SBF2: variants seen among roughly 807,000 people sequenced by gnomAD.
The protein encoded by SBF2 is SET binding factor 2.
Under a neutral mutation model 225.2 loss-of-function variants are expected in SBF2, and 112 were observed. The ratio of observed to expected loss-of-function variants is 0.50; its 90% confidence interval spans 0.43 to 0.58. The LOEUF is 0.58. Ranked by LOEUF, SBF2 falls within the 20% of genes least tolerant of loss-of-function variation. The probability of loss-of-function intolerance (pLI) is 0.00; values close to 1 mark genes in which losing one functional copy is unlikely to be tolerated. For missense variants in SBF2, 1,996 were observed against 2,206.2 expected, an observed-to-expected ratio of 0.90 and a Z score of 1.91; for synonymous variants, 763 against 773.3, an observed-to-expected ratio of 0.99 and a Z score of 0.22.
chr11:10,094,528 A>AT lies in SBF2; in HGVS notation c.142-51548dup, dbSNP rs60485793. On this transcript the variant is annotated intron_variant, in intron 2 of 39. Coordinates refer to ENST00000256190, the MANE Select transcript of SBF2 (RefSeq NM_030962.4). ...TTTTCCCTACTACAAATACACACAGATTTTTTTTTTTTTTTTTTGAGACAG... is the reference window on the plus strand; with the variant it reads ...TTTTCCCTACTACAAATACACACAGATTTTTTTTTTTTTTTTTTTGAGACAG... 8.8e-3 allele frequency among the ~76,000 whole-genome samples: 940 copies of AT among 107,296 alleles called. 33 individuals carry two copies. Among genetic ancestry groups the AT allele is most frequent in the African/African-American group, 0.023 (705 of 30,320 alleles). The allele number at this position is 107,296 out of a possible 152,430, so 70.4% of individuals were successfully genotyped here.
chr11:9,912,335 C>A (rs1036299108), intron 16 of SBF2, among the ~76,000 whole-genome samples: 1 of 149,492 alleles, frequency 6.7e-6, no homozygotes, highest in Non-Finnish European at 1.5e-5. Context: ...GCCTGTAATT[C>A]CAGCACTTTG....
intron 28 of SBF2, among the ~76,000 whole-genome samples, chr11:9,824,343 G>A (rs1419224115): frequency 6.6e-6 from 1 of 152,098 alleles, no homozygotes; most frequent in African/African-American, 2.4e-5. Flanking sequence ...TGAATCACGA[G>A]GTCAGGAGAT....
At chr11:9,957,391 G>C (rs988957921) in intron 16 of SBF2, 1 of 152,092 alleles carries the variant, frequency 6.6e-6, no homozygotes, top group Non-Finnish European at 1.5e-5. Context: ...TTGGTATCCC[G>C]TGACCTGTAT....
chr11:10,202,769 C>G (rs1957614367), intron 1 of SBF2, among the ~76,000 whole-genome samples: 1 of 152,202 alleles, frequency 6.6e-6, no homozygotes, highest in Admixed American at 6.5e-5. Flanking sequence ...GCCTGGGTGA[C>G]AGAGCGAGAC....
chr11:9,967,408 G>T (rs1431105735), intron 14 of SBF2, among the ~76,000 whole-genome samples: 2 of 151,392 alleles, frequency 1.3e-5, no homozygotes, highest in African/African-American at 4.8e-5. Flanking sequence ...GCTGATACAT[G>T]CTACAACATA....
chr11:10,100,628 A>G (rs1952252136), intron 2 of SBF2, among the ~76,000 whole-genome samples: 1 of 152,116 alleles, frequency 6.6e-6, no homozygotes, highest in African/African-American at 2.4e-5. Flanking sequence ...CTGTAGCCCC[A>G]CTATGAGGTA....
rs893334446 is a variant in SBF2 at position 10,006,978 on chromosome 11, C to T, written c.620-4289G>A. On this transcript the variant is annotated intron_variant, in intron 6 of 39. Transcript: ENST00000256190. ...GCAAGAATATAGGATGGCCCAAGGC[C>T]GTCGGCACAAGAGACCCATACGACA... is the stretch of plus-strand genomic sequence containing the variant. 7.9e-5 allele frequency among the ~76,000 whole-genome samples: 12 copies of T among 152,264 alleles called. No individual in the cohort carries two copies. The South Asian group carries it at 1.2e-3, about 16-fold the overall frequency.
At chr11:9,942,902 A>T (rs1427981733) in intron 16 of SBF2, among the ~76,000 whole-genome samples, 1 of 12,614 alleles carries the variant, frequency 7.9e-5, no homozygotes, top group Non-Finnish European at 2.4e-4. Flanking sequence ...AGAGAGAGAG[A>T]GAAAGAAAGA....
intron 16 of SBF2, among the ~76,000 whole-genome samples, chr11:9,920,190 G>GTT (rs1590450460): frequency 1.4e-5 from 2 of 143,296 alleles, no homozygotes; most frequent in East Asian, 3.9e-4. Context: ...ATATGTGTGT[G>GTT]TGTGTGTGTG....
chr11:9,973,539 T>A (rs569925095), intron 13 of SBF2, among the ~76,000 whole-genome samples: 1 of 152,316 alleles, frequency 6.6e-6, no homozygotes, highest in East Asian at 1.9e-4. Flanking sequence ...TGGATAATGA[T>A]TTTCAAGGAA....
chr11:10,129,138 C>T (rs1463534722), intron 2 of SBF2, among the ~76,000 whole-genome samples: 3 of 128,704 alleles, frequency 2.3e-5, no homozygotes, highest in African/African-American at 8.7e-5. Context: ...GACACAGTCT[C>T]GCTCCATCAG....
chr11:9,979,523 T>C (rs1047407131), intron 13 of SBF2, among the ~76,000 whole-genome samples: 8 of 152,208 alleles, frequency 5.3e-5, no homozygotes, highest in African/African-American at 1.9e-4. Flanking sequence ...CCAGATTTCT[T>C]TTTTAAGTTT....
chr11:10,258,976 AAAGT>A (rs1961168156), intron 1 of SBF2, among the ~76,000 whole-genome samples: 1 of 152,198 alleles, frequency 6.6e-6, no homozygotes, highest in Non-Finnish European at 1.5e-5. Flanking sequence ...GGCATAGAGA[AAAGT>A]AAGAGATGGA....
chr11:10,033,975 C>T (rs1238170164), intron 3 of SBF2, among the ~76,000 whole-genome samples: 2 of 152,024 alleles, frequency 1.3e-5, no homozygotes, highest in Non-Finnish European at 2.9e-5. Flanking sequence ...TCTAATAATG[C>T]TAAATTTAAT....
chr11:10,271,199 T>TAGGAGAATGACAAGTCGTTCACTG (rs1591343652), intron 1 of SBF2, among the ~76,000 whole-genome samples: 4 of 108,796 alleles, frequency 3.7e-5, no homozygotes, highest in African/African-American at 8.8e-5. Context: ...CTTGATTCTT[T>TAGGAGAATGACAAGTCGTTCACTG]TTTTTTTTTT....
chr11:10,052,822 C>G (rs1414485379), intron 2 of SBF2, among the ~76,000 whole-genome samples: 2 of 152,144 alleles, frequency 1.3e-5, no homozygotes, highest in East Asian at 3.8e-4. Flanking sequence ...GGACTAGAAT[C>G]CAAGTCTCTG....
chr11:10,249,372 T>C (rs965708778), intron 1 of SBF2, among the ~76,000 whole-genome samples: 2 of 152,086 alleles, frequency 1.3e-5, no homozygotes, highest in Non-Finnish European at 2.9e-5. Flanking sequence ...AATGTAAGAG[T>C]GAAATATGGC....
intron 1 of SBF2, among the ~76,000 whole-genome samples, chr11:10,196,552 T>C (rs1307817547): frequency 6.6e-6 from 1 of 151,908 alleles, no homozygotes; most frequent in Non-Finnish European, 1.5e-5. Flanking sequence ...CTAATTTTCA[T>C]ATTTTTTGTA....
chr11:9,992,326 T>TCAA, intron 12 of SBF2, 89 bp downstream of exon 12: 1 of 957,204 alleles, frequency 1.0e-6, no homozygotes, highest in Non-Finnish European at 1.5e-6. Flanking sequence ...TATATTTGAC[T>TCAA]ATATAAATAT....
Sources: gnomAD v4.1 joint callset for allele counts (sites outside exome capture counted in the v4.1 genomes callset) on GRCh38, gnomAD v4.1.1 for gene constraint, MANE v1.5 for transcripts, NCBI Gene and HGNC (gene_info 2026-07-23, HGNC 2026-07-21) for gene names.